Variants in TUBGCP6 observed in about 807,000 individuals in gnomAD.
TUBGCP6 encodes gamma-tubulin complex component 6.
A neutral mutation model predicts 175.8 loss-of-function variants in TUBGCP6; 161 were observed. That is an observed-to-expected ratio of 0.92 (90% CI 0.81 to 1.04). The LOEUF (loss-of-function observed/expected upper bound fraction) is 1.04. Among genes scored for constraint, TUBGCP6 ranks in the 50% least tolerant of loss-of-function variants. TUBGCP6 has a pLI of 0.00. For synonymous variants in TUBGCP6, 1,173 were observed against 1,030.5 expected (o/e 1.14, Z -2.65); for missense variants, 2,572 against 2,433.0 (o/e 1.06, Z -1.20).
chr22:50,224,282 G>A, intron 12 of TUBGCP6, 26 bp from the exon 13 acceptor site: 1 of 1,614,192 alleles, frequency 6.2e-7, no homozygotes, highest in Non-Finnish European at 8.5e-7. Context: ...AGCCTGGCCT[G>A]TGAAATCAGA....
At chr22:50,219,532 A>G in intron 18 of TUBGCP6, 76 bp from the exon 19 acceptor site, 3 of 1,585,576 alleles carry the variant, frequency 1.9e-6, no homozygotes, top group Non-Finnish European at 2.6e-6. Flanking sequence ...GAGATGGAGC[A>G]CGTGCTGGGA....
chr22:50,223,917 C>T, intron 13 of TUBGCP6: 6 of 565,634 alleles, frequency 1.1e-5, no homozygotes, highest in South Asian at 2.1e-5. Context: ...TCGCCTGGAC[C>T]CTAATCCATA....
chr22:50,228,205 G>A (rs1043260072), intron 4 of TUBGCP6, among the ~76,000 whole-genome samples, 177 bp from the exon 5 acceptor site: 1 of 152,140 alleles, frequency 6.6e-6, no homozygotes, highest in East Asian at 1.9e-4. Flanking sequence ...GTGGAAATGC[G>A]GCCCATCCAC....
intron 2 of TUBGCP6, among the ~76,000 whole-genome samples, chr22:50,234,297 C>A (rs1463788900): frequency 6.8e-6 from 1 of 146,216 alleles, no homozygotes; most frequent in African/African-American, 2.6e-5. Flanking sequence ...ATCACCCACA[C>A]CCACCCATGG....
chr22:50,222,614 G>T, intron 13 of TUBGCP6, 22 bp from the exon 14 acceptor site: 1 of 1,606,302 alleles, frequency 6.2e-7, no homozygotes. Flanking sequence ...CACCAGAGAG[G>T]ACACGGCCAC....
Position 50,217,975 on chromosome 22 carries a change from CAA to C in TUBGCP6, c.5309_5310del (p.Phe1770CysfsTer60). The C allele has an allele frequency of 1.9e-6, 3 of 1,610,500 alleles. No individual in the cohort carries two copies. Among genetic ancestry groups the C allele is most frequent in the Non-Finnish European group, 2.5e-6 (3 of 1,178,852 alleles). ...GTGTTGTAGGACTGCTGCATGAGTG[CAA>C]AGTTGGGGTGCTCTGCACCCCGCGG... ...GGPRGAEHPN[F>X]ALMQQSYNTF... On this transcript the variant is annotated frameshift_variant, in exon 24 of 25. Coordinates refer to ENST00000248846, the MANE Select transcript of TUBGCP6 (RefSeq NM_020461.4). LOFTEE classifies it high-confidence loss of function.
Position 50,226,822 on chromosome 22 carries a change from G to A in TUBGCP6, c.1512C>T (p.Tyr504=), listed in dbSNP as rs538972218. Residue 504 remains tyrosine (Y), a synonymous_variant, in exon 7 of 25, where the codon TAC becomes TAT. Transcript: ENST00000248846. ...AFPTGVKLLS[Y]LYQEALHNCS... ...AGTTGTGCAGAGCCTCCTGGTAGAG[G>A]TAGGACAGCAGCTTCACGCCCTGCA... 39 of 1,585,154 alleles carry A rather than the reference G, an allele frequency of 2.5e-5. 1 individual carries two copies. The African/African-American group carries it at 3.1e-4, about 13-fold the overall frequency.
chr22:50,243,646 A>G (rs2064875104), intron 1 of TUBGCP6, 73 bp downstream of exon 1: 1 of 1,314,210 alleles, frequency 7.6e-7, no homozygotes, highest in Non-Finnish European at 1.0e-6. Context: ...AAGAAGAAGA[A>G]GAAGAAGAAA....
chr22:50,242,665 C>T (rs1422187388), intron 1 of TUBGCP6, among the ~76,000 whole-genome samples: 2 of 152,202 alleles, frequency 1.3e-5, no homozygotes, highest in Non-Finnish European at 2.9e-5. Context: ...CTACAGCGTA[C>T]CATGGTAAAG....
rs139934957 is a variant in TUBGCP6, at chr22:50,226,368, C to T, written c.1612G>A (p.Asp538Asn). The T allele has an allele frequency of 3.8e-4, 605 of 1,608,000 alleles. 3 individuals carry two copies. In the African/African-American group the frequency reaches 7.2e-3, roughly 19 times the overall value. The change falls in exon 8 of 25, where the codon GAC (aspartate) becomes AAC (asparagine). Residue 538 changes from aspartate to asparagine, a missense_variant. Asp to Asn is a conservative substitution (Grantham distance 23). Coordinates refer to ENST00000248846, the MANE Select transcript of TUBGCP6 (RefSeq NM_020461.4). Reference sequence around the variant, plus strand: ...CTGAACACCCCGCTGTACACCCAGTCGTGGATGAACCTGCAGTGGGGGAAA... The same window carrying T: ...CTGAACACCCCGCTGTACACCCAGTTGTGGATGAACCTGCAGTGGGGGAAA... ...SCEPYTRFIH[D>N]WVYSGVFRDA...
chr22:50,233,362 A>T lies in TUBGCP6; in HGVS notation c.1070T>A (p.Leu357Gln). 1 of 1,614,050 alleles carries T rather than the reference A, an allele frequency of 6.2e-7. No homozygotes were observed. Among genetic ancestry groups the T allele is most frequent in the Non-Finnish European group, 8.5e-7 (1 of 1,179,950 alleles). ...AGACACGACCCCAATCAAGACGTTCAGCACGTCTTTCACCAGCTCGCACTC... is the reference window on the plus strand; with the variant it reads ...AGACACGACCCCAATCAAGACGTTCTGCACGTCTTTCACCAGCTCGCACTC... The part of the protein sequence containing the change: ...VKECELVKDV[L>Q]NVLIGVVSAT... Residue 357 changes from leucine (L) to glutamine (Q), a missense_variant, in exon 3 of 25, where the codon CTG becomes CAG. Transcript: ENST00000248846.
rs377380096 is a variant in TUBGCP6 at position 50,220,379 on chromosome 22, G to C, written c.3980C>G (p.Pro1327Arg). 1.3e-5 allele frequency: 21 copies of C among 1,566,058 alleles called. No individual in the cohort carries two copies. In the East Asian group the frequency reaches 4.5e-4, roughly 34 times the overall value. The change falls in exon 16 of 25, where the codon CCA (proline) becomes CGA (arginine). Residue 1327 changes from proline (P) to arginine (R), a missense_variant. Pro to Arg is a moderately radical substitution (Grantham distance 103, BLOSUM62 -2). Transcript: ENST00000248846. ...CGPRLPVEVG[P>R]SLSSPSSGCG... is the part of the protein sequence containing the mutation. ...GCCCGAGCTGGGGGAGGACAGAGAT[G>C]GCCCCACTTCTACAGGCAGCCGTGG... is the stretch of plus-strand genomic sequence containing the variant.
At chr22:50,228,966 C>T (rs1370826719) in intron 4 of TUBGCP6, among the ~76,000 whole-genome samples, 1 of 152,198 alleles carries the variant, frequency 6.6e-6, no homozygotes, top group African/African-American at 2.4e-5. Context: ...AGCACATGAG[C>T]CAGCTTCAAG....
rs1251282713 is a variant in TUBGCP6 at position 50,217,758 on chromosome 22, T to C, written c.5438A>G (p.Asn1813Ser). The C allele has an allele frequency of 6.8e-6, 11 of 1,613,970 alleles. No homozygotes were observed. The highest frequency in any genetic ancestry group is 1.7e-5 in the Admixed American group (1 of 60,014). ...LEDFLLRINFNNYYQDA is the reference protein window; with the variant it reads ...LEDFLLRINFSNYYQDA ...GCCTCAGGCGTCCTGGTAGTAGTTG[T>C]TGAAGTTGATGCGCAGCAGAAAGTC... Residue 1813 changes from asparagine (N) to serine (S), a missense_variant, in exon 25 of 25, where the codon AAC (asparagine) becomes AGC (serine). Coordinates refer to ENST00000248846, the MANE Select transcript of TUBGCP6 (RefSeq NM_020461.4).
chr22:50,238,649 T>TG (rs1445707578), intron 2 of TUBGCP6, among the ~76,000 whole-genome samples: 1 of 150,724 alleles, frequency 6.6e-6, no homozygotes, highest in Non-Finnish European at 1.5e-5. Flanking sequence ...GCCATTCTCC[T>TG]GCCTCAGCCT....
rs1329824662 is a variant in TUBGCP6 at position 50,244,026 on chromosome 22, T to G, written c.434A>C (p.Tyr145Ser). 1 of 1,614,160 alleles carries G rather than the reference T, an allele frequency of 6.2e-7. No homozygotes were observed. The highest frequency in any genetic ancestry group is 8.5e-7 in the Non-Finnish European group (1 of 1,180,040). ...CAGGTCGTCGCAATCATAGCCGCTG[T>G]ACGGAACGTTTCTCCCCACATGCTT... ...NNKHVGRNVP[Y>S]SGYDCDDLSV... The change falls in exon 1 of 25, where the codon TAC (tyrosine) becomes TCC (serine). Residue 145 changes from tyrosine to serine, a missense_variant. Coordinates refer to ENST00000248846, the MANE Select transcript of TUBGCP6 (RefSeq NM_020461.4).
At chr22:50,219,897 A>G in intron 17 of TUBGCP6, 60 bp downstream of exon 17, 3 of 1,609,216 alleles carry the variant, frequency 1.9e-6, no homozygotes, top group Non-Finnish European at 2.6e-6. Flanking sequence ...CCGCGTGACA[A>G]CCTAGAGGGA....
rs756926863 is a variant in TUBGCP6, at chr22:50,229,586, G to A, written c.1117-9C>T. On this transcript the variant is annotated splice_polypyrimidine_tract_variant and intron_variant, in intron 3 of 24. Coordinates refer to ENST00000248846, the MANE Select transcript of TUBGCP6 (RefSeq NM_020461.4). The stretch of plus-strand genomic sequence containing the variant: ...ACAAAGGCCTGGGCCGGCTGCACAG[G>A]GGCAGAGGACACTGGTCACAGAGGC... 1 of 1,579,388 alleles carries A rather than the reference G, an allele frequency of 6.3e-7. No individual in the cohort carries two copies. Among genetic ancestry groups the A allele is most frequent in the Non-Finnish European group, 8.6e-7 (1 of 1,163,546 alleles).
At chr22:50,228,094 G>C (rs2064639251) in intron 4 of TUBGCP6, 66 bp from the exon 5 acceptor site, 2 of 1,459,624 alleles carry the variant, frequency 1.4e-6, no homozygotes, top group South Asian at 1.4e-5. Context: ...CAGGGCCTGA[G>C]GGGCACCAGT....
Sources: gnomAD v4.1 joint callset for allele counts (sites outside exome capture counted in the v4.1 genomes callset) on GRCh38, gnomAD v4.1.1 for gene constraint, MANE v1.5 for transcripts, NCBI Gene and HGNC (gene_info 2026-07-23, HGNC 2026-07-21) for gene names.